NUP155: variants seen among roughly 807,000 people sequenced by gnomAD.
The protein encoded by NUP155 is nucleoporin 155.
NUP155 carries 71 observed loss-of-function variants against 180.4 expected under a neutral mutation model. The ratio of observed to expected loss-of-function variants is 0.39; its 90% CI spans 0.33 to 0.48. The LOEUF is 0.48. Ranked by LOEUF, NUP155 falls within the 20% of genes least tolerant of loss-of-function variation. NUP155 has a pLI of 0.91. For synonymous variants in NUP155, 582 were observed against 559.5 expected (o/e 1.04, Z -0.57); for missense variants, 1,553 against 1,648.9 (o/e 0.94, Z 1.01).
intron 21 of NUP155, among the ~76,000 whole-genome samples, chr5:37,317,688 CT>C (rs374997987): frequency 3.0e-4 from 40 of 131,262 alleles, no homozygotes; most frequent in Admixed American, 4.0e-4. Context: ...CCCAATCACA[CT>C]TTTTTTTTTT....
chr5:37,291,845 C>G lies in NUP155; in HGVS notation c.*55G>C. Reference sequence around the variant, plus strand: ...GATTTAGAACACCTGATATCTGGACCCAGCTGAGTTTTTATTTTACAGATC... The same window carrying G: ...GATTTAGAACACCTGATATCTGGACGCAGCTGAGTTTTTATTTTACAGATC... On this transcript the variant is annotated 3_prime_UTR_variant, in exon 35 of 35. Transcript: ENST00000231498. 1 of 1,536,496 alleles carries G rather than the reference C, an allele frequency of 6.5e-7. No homozygotes were observed.
chr5:37,329,343 T>C, intron 15 of NUP155, 65 bp from the exon 16 acceptor site: 1 of 1,286,196 alleles, frequency 7.8e-7, no homozygotes, highest in Non-Finnish European at 1.1e-6. Context: ...AAAACTGGAA[T>C]TGTTCCTTTT....
At position 37,289,539 on chromosome 5, in the gene NUP155, T is replaced by C. The variant is rs1225768071; in HGVS notation, c.*2361A>G. On this transcript the variant is annotated 3_prime_UTR_variant, in exon 35 of 35. Coordinates refer to ENST00000231498, the MANE Select transcript of NUP155 (RefSeq NM_153485.3). ...ATGAGGGGACCTAATTTCTTCTCTC[T>C]TAGGAATCTTACCCCCCAAAAGGTA... 1 of 152,192 alleles carries C rather than the reference T, an allele frequency of 6.6e-6. No homozygotes were observed. The highest frequency in any genetic ancestry group is 1.5e-5 in the Non-Finnish European group (1 of 68,046). 9.4% of individuals were successfully genotyped at this position (152,192 alleles called of 1,614,324 possible). A position where few individuals can be genotyped will look rare whatever the true frequency, so the allele number is the denominator to read the frequency against.
rs1175101230 is a variant in NUP155 at position 37,292,010 on chromosome 5, C to T, written c.4066G>A (p.Ala1356Thr). ...AGCTCAACAAGGTAACCACAAACAG[C>T]ATCCAGGCAGAGATTTGTAAATCTT... ...RRRFTNLCLDAVCGYLVELQS... is the reference protein window; with the variant it reads ...RRRFTNLCLDTVCGYLVELQS... The change falls in exon 35 of 35, where the codon GCT (alanine) becomes ACT (threonine). Residue 1356 changes from alanine (A) to threonine (T), a missense_variant. Transcript: ENST00000231498. 3 of 1,613,988 alleles carry T rather than the reference C, an allele frequency of 1.9e-6. No individual in the cohort carries two copies. The highest frequency in any genetic ancestry group is 2.7e-5 in the African/African-American group (2 of 74,922).
chr5:37,329,202 G>A lies in NUP155; in HGVS notation c.1801C>T (p.Pro601Ser), dbSNP rs1744797962. ...GTTCCATACTCACTAGAATAGACAG[G>A]AGACCCCAAGATGGGACCAACATTA... ...PSNVGPILGS[P>S]VYSSSPVPSG... is the part of the protein sequence containing the mutation. The change falls in exon 16 of 35, where the codon CCT (proline) becomes TCT (serine). Residue 601 changes from proline (P) to serine (S), a missense_variant. Transcript: ENST00000231498. 1.2e-6 allele frequency: 2 copies of A among 1,612,852 alleles called. No individual in the cohort carries two copies. The highest frequency in any genetic ancestry group is 1.7e-6 in the Non-Finnish European group (2 of 1,178,932).
At chr5:37,340,297 C>T (rs764189438) in intron 11 of NUP155, among the ~76,000 whole-genome samples, 13 of 152,032 alleles carry the variant, frequency 8.6e-5, no homozygotes, top group Middle Eastern at 6.8e-3. Context: ...AAAAATTAGC[C>T]GGGTGTGGTG....
chr5:37,326,952 C>G (rs1041794293), intron 18 of NUP155, among the ~76,000 whole-genome samples: 2 of 152,144 alleles, frequency 1.3e-5, no homozygotes, highest in Non-Finnish European at 2.9e-5. Flanking sequence ...TCAAAACCAA[C>G]CCTTCCTCTT....
chr5:37,337,050 G>C (rs1745376527), intron 12 of NUP155, among the ~76,000 whole-genome samples: 1 of 152,142 alleles, frequency 6.6e-6, no homozygotes, highest in South Asian at 2.1e-4. Flanking sequence ...CTATTCAGGA[G>C]GACAGGCAGG....
chr5:37,324,483 A>C (rs763794649), intron 19 of NUP155, among the ~76,000 whole-genome samples: 2 of 152,122 alleles, frequency 1.3e-5, no homozygotes, highest in Non-Finnish European at 2.9e-5. Context: ...TTAATTTTAC[A>C]AGTTTTTAGA....
chr5:37,292,173 A>G (rs1742268363), intron 34 of NUP155, 135 bp from the exon 35 acceptor site: 3 of 846,050 alleles, frequency 3.5e-6, no homozygotes, highest in Non-Finnish European at 5.6e-6. Flanking sequence ...AATAAGAAAT[A>G]AAGTAAAAAA....
intron 8 of NUP155, 102 bp from the exon 9 acceptor site, chr5:37,348,698 A>G (rs1746262661): frequency 5.3e-6 from 4 of 753,424 alleles, no homozygotes; most frequent in African/African-American, 1.7e-5. Flanking sequence ...TATTTAATAC[A>G]AACATGAAAA....
At chr5:37,350,521 G>A (rs867689807) in intron 6 of NUP155, among the ~76,000 whole-genome samples, 13 of 152,066 alleles carry the variant, frequency 8.5e-5, no homozygotes, top group African/African-American at 3.1e-4. Flanking sequence ...GCCAGTTATG[G>A]GCTGGGCACA....
At chr5:37,364,147 A>T (rs1747395530) in intron 2 of NUP155, 100 bp downstream of exon 2, 2 of 1,167,386 alleles carry the variant, frequency 1.7e-6, no homozygotes, top group Admixed American at 3.8e-5. Context: ...AAAACCCTTA[A>T]ATGAATATAT....
chr5:37,302,993 T>C (rs1742947551), intron 28 of NUP155, 85 bp from the exon 29 acceptor site: 1 of 1,402,520 alleles, frequency 7.1e-7, no homozygotes, highest in African/African-American at 1.4e-5. Flanking sequence ...TACTGTTTCA[T>C]ACCAAACACA....
chr5:37,329,409 T>A (rs1744814887), intron 15 of NUP155, 131 bp from the exon 16 acceptor site: 1 of 728,488 alleles, frequency 1.4e-6, no homozygotes, highest in South Asian at 1.5e-5. Context: ...TGTATTGTGC[T>A]GACAGTAAAG....
At chr5:37,293,234 A>C in intron 33 of NUP155, 1 of 387,382 alleles carries the variant, frequency 2.6e-6, no homozygotes, top group Non-Finnish European at 4.7e-6. Flanking sequence ...TACTTTGCAG[A>C]GCATGTAAAT....
chr5:37,365,738 A>AAAAAATATATAT (rs1561818758), intron 1 of NUP155, among the ~76,000 whole-genome samples: 2 of 37,130 alleles, frequency 5.4e-5, no homozygotes, highest in African/African-American at 1.1e-4. Context: ...AAAAAAAAAA[A>AAAAAATATATAT]ATATATATAT....
chr5:37,318,411 T>C (rs892143545), intron 20 of NUP155, among the ~76,000 whole-genome samples: 1 of 151,810 alleles, frequency 6.6e-6, no homozygotes, highest in Non-Finnish European at 1.5e-5. Flanking sequence ...AGAAACAAGC[T>C]AGATACAAAA....
chr5:37,362,513 C>A (rs893974187), intron 3 of NUP155, among the ~76,000 whole-genome samples: 2 of 152,122 alleles, frequency 1.3e-5, no homozygotes, highest in African/African-American at 4.8e-5. Flanking sequence ...GTCTCGAACT[C>A]CCGACTGCAG....
Sources: allele counts gnomAD v4.1 joint callset (sites outside exome capture counted in the v4.1 genomes callset), GRCh38; gene constraint gnomAD v4.1.1; transcripts MANE v1.5; gene names NCBI Gene and HGNC (gene_info 2026-07-23, HGNC 2026-07-21).